Variants in GALNT13 observed in about 807,000 individuals in gnomAD.
GALNT13 encodes UDP-GalNAc:polypeptide N-acetylgalactosaminyltransferase 13.
In GALNT13, 28 loss-of-function variants were observed where a neutral mutation model predicts 64.2. The ratio of observed to expected loss-of-function variants is 0.44; its 90% CI spans 0.32 to 0.60. The LOEUF (loss-of-function observed/expected upper bound fraction) is 0.60. Ranked by LOEUF, GALNT13 falls within the 20% of genes least tolerant of loss-of-function variation. The probability of loss-of-function intolerance (pLI) is 0.05; values close to 1 mark genes in which losing one functional copy is unlikely to be tolerated. For synonymous variants in GALNT13, 214 were observed against 224.6 expected (o/e 0.95, Z 0.42); for missense variants, 577 against 669.8 (o/e 0.86, Z 1.53).
At chr2:154,029,163 A>C (rs1454621478) in intron 3 of GALNT13, among the ~76,000 whole-genome samples, 1 of 146,682 alleles carries the variant, frequency 6.8e-6, no homozygotes, top group African/African-American at 2.5e-5. Context: ...ATATTTATAG[A>C]TATTATACAA....
the GALNT13 span, among the ~76,000 whole-genome samples, chr2:153,529,956 CA>C: frequency 6.6e-6 from 1 of 151,734 alleles, no homozygotes; most frequent in Non-Finnish European, 1.5e-5. Flanking sequence ...TGGGGAAAAA[CA>C]AAAAGGCTTT....
the GALNT13 span, among the ~76,000 whole-genome samples, chr2:153,340,507 T>C: frequency 6.6e-6 from 1 of 151,962 alleles, no homozygotes; most frequent in South Asian, 2.1e-4. Context: ...GTACAAAAAT[T>C]AGCTGAGTGC....
intron 9 of GALNT13, among the ~76,000 whole-genome samples, chr2:154,324,536 T>C (rs1694784260): frequency 6.6e-6 from 1 of 152,054 alleles, no homozygotes. Context: ...CTTTGGTCCA[T>C]GGGGATAGGG....
At chr2:153,483,605 G>A in the GALNT13 span, among the ~76,000 whole-genome samples, 2 of 151,580 alleles carry the variant, frequency 1.3e-5, no homozygotes, top group African/African-American at 2.4e-5. Context: ...TAGTAGAGAC[G>A]GGGTTTATCC....
the GALNT13 span, among the ~76,000 whole-genome samples, chr2:153,596,973 C>A: frequency 6.6e-6 from 1 of 151,856 alleles, no homozygotes; most frequent in Non-Finnish European, 1.5e-5. Flanking sequence ...GGAAAACACC[C>A]ATAAACAAAA....
chr2:153,135,907 T>A, the GALNT13 span, among the ~76,000 whole-genome samples: 10 of 152,008 alleles, frequency 6.6e-5, no homozygotes, highest in South Asian at 2.1e-4. Flanking sequence ...AAAATAACCC[T>A]CACAAAAAAA....
intron 3 of GALNT13, among the ~76,000 whole-genome samples, chr2:154,065,355 T>C (rs1276597082): frequency 2.6e-5 from 4 of 152,148 alleles, no homozygotes; most frequent in Admixed American, 6.5e-5. Flanking sequence ...GTCTGCTGAT[T>C]ATAGATCCTT....
chr2:154,166,752 A>G (rs1274912252), intron 4 of GALNT13, among the ~76,000 whole-genome samples: 1 of 152,242 alleles, frequency 6.6e-6, no homozygotes, highest in Non-Finnish European at 1.5e-5. Context: ...GATAGACTGG[A>G]TTAAGAAAAT....
chr2:153,111,733 C>T, the GALNT13 span, among the ~76,000 whole-genome samples: 1 of 152,004 alleles, frequency 6.6e-6, no homozygotes. Flanking sequence ...CTAGAATCTT[C>T]TGTAACATAA....
chr2:153,227,662 G>A, the GALNT13 span, among the ~76,000 whole-genome samples: 1 of 151,986 alleles, frequency 6.6e-6, no homozygotes, highest in African/African-American at 2.4e-5. Flanking sequence ...TTTAGTATAC[G>A]CTTGGCTGCA....
At chr2:154,054,515 TAAG>T (rs1335202139) in intron 3 of GALNT13, among the ~76,000 whole-genome samples, 1 of 152,018 alleles carries the variant, frequency 6.6e-6, no homozygotes, top group African/African-American at 2.4e-5. Flanking sequence ...TGCCTTTACT[TAAG>T]AAACCTAAGT....
intron 3 of GALNT13, among the ~76,000 whole-genome samples, chr2:154,075,249 G>A (rs771240639): frequency 4.0e-5 from 6 of 151,650 alleles, no homozygotes; most frequent in Admixed American, 6.6e-5. Context: ...ACCTTGACAT[G>A]TACCTCTCAA....
chr2:153,296,238 G>C, the GALNT13 span, among the ~76,000 whole-genome samples: 2 of 152,084 alleles, frequency 1.3e-5, no homozygotes, highest in Admixed American at 1.3e-4. Flanking sequence ...CCCCAGGAGG[G>C]AATGGAAGTT....
the GALNT13 span, among the ~76,000 whole-genome samples, chr2:153,718,072 C>T: frequency 3.4e-4 from 52 of 151,268 alleles, no homozygotes; most frequent in African/African-American, 1.1e-3. Flanking sequence ...TTTAATTTAA[C>T]GATGTCAAAA....
intron 1 of GALNT13, among the ~76,000 whole-genome samples, chr2:153,877,541 C>T (rs1253328558): frequency 6.6e-6 from 1 of 152,110 alleles, no homozygotes; most frequent in African/African-American, 2.4e-5. Context: ...CTTGATATTA[C>T]AAGCAAAGCA....
chr2:153,933,089 T>A (rs1318740354), intron 2 of GALNT13, among the ~76,000 whole-genome samples: 1 of 152,194 alleles, frequency 6.6e-6, no homozygotes, highest in East Asian at 1.9e-4. Context: ...AAATTATACA[T>A]CTTCTGTTTT....
intron 3 of GALNT13, among the ~76,000 whole-genome samples, chr2:154,061,445 A>G (rs1038097617): frequency 6.6e-6 from 1 of 152,200 alleles, no homozygotes; most frequent in African/African-American, 2.4e-5. Flanking sequence ...ATCCTTTGTC[A>G]GAAATTATAA....
At chr2:154,099,337 T>C (rs756820983) in intron 3 of GALNT13, among the ~76,000 whole-genome samples, 1 of 152,148 alleles carries the variant, frequency 6.6e-6, no homozygotes, top group Non-Finnish European at 1.5e-5. Flanking sequence ...AGAGGCATAA[T>C]TTGCAAATAT....
the GALNT13 span, among the ~76,000 whole-genome samples, chr2:153,577,942 A>G: frequency 6.6e-6 from 1 of 151,352 alleles, no homozygotes; most frequent in South Asian, 2.1e-4. Flanking sequence ...GTAGTCACAC[A>G]CAAACACATA....
Sources: allele counts gnomAD v4.1 joint callset (sites outside exome capture counted in the v4.1 genomes callset), GRCh38; gene constraint gnomAD v4.1.1; transcripts MANE v1.5; gene names NCBI Gene and HGNC (gene_info 2026-07-23, HGNC 2026-07-21).